The following NARS2 variants were observed in gnomAD, a reference collection of about 807,000 sequenced individuals.
NARS2 encodes asparaginyl-tRNA synthetase 2, mitochondrial.
Under a neutral mutation model 62.9 loss-of-function variants are expected in NARS2, and 60 were observed. The ratio of observed to expected loss-of-function variants is 0.95; its 90% confidence interval spans 0.77 to 1.18. NARS2 has a LOEUF of 1.18. Among genes scored for constraint, NARS2 ranks in the 50% most tolerant of loss-of-function variants. NARS2 has a pLI of 0.00. For missense variants in NARS2, 619 were observed against 576.4 expected (o/e 1.07, Z -0.76); for synonymous variants, 196 against 200.0 (o/e 0.98, Z 0.17).
chr11:78,529,586 T>A (rs1861409301), intron 5 of NARS2, among the ~76,000 whole-genome samples: 1 of 152,186 alleles, frequency 6.6e-6, no homozygotes, highest in African/African-American at 2.4e-5. Context: ...TTGTTAAGAG[T>A]TAAGCTAAAA....
chr11:78,470,639 C>T (rs1286019891), intron 9 of NARS2, among the ~76,000 whole-genome samples: 1 of 152,074 alleles, frequency 6.6e-6, no homozygotes, highest in East Asian at 1.9e-4. Context: ...TGATATTTCA[C>T]GTTCTAATCT....
At chr11:78,504,557 T>A (rs527770523) in intron 6 of NARS2, among the ~76,000 whole-genome samples, 1 of 152,114 alleles carries the variant, frequency 6.6e-6, no homozygotes, top group Non-Finnish European at 1.5e-5. Flanking sequence ...TTATTTGTTA[T>A]CAGCTTTTAC....
At chr11:78,470,840 T>C (rs913245517) in intron 9 of NARS2, among the ~76,000 whole-genome samples, 2 of 151,878 alleles carry the variant, frequency 1.3e-5, no homozygotes, top group Non-Finnish European at 2.9e-5. Context: ...AAGTGTCAGG[T>C]TGCTTGTAAA....
At chr11:78,515,580 G>C (rs1230844537) in intron 6 of NARS2, among the ~76,000 whole-genome samples, 1 of 152,058 alleles carries the variant, frequency 6.6e-6, no homozygotes, top group Non-Finnish European at 1.5e-5. Context: ...GTGCAGTGGT[G>C]TGTTTATAGC....
chr11:78,574,518 C>G lies in NARS2; in HGVS notation c.-30G>C, dbSNP rs1857055836. The G allele has an allele frequency of 1.3e-6, 2 of 1,574,826 alleles. No homozygotes were observed. The highest frequency in any genetic ancestry group is 2.3e-5 in the East Asian group (1 of 43,326). On this transcript the variant is annotated 5_prime_UTR_variant, in exon 1 of 14. Transcript: ENST00000281038. ...CGTCCGCCCAGGCCCTCCGCGGGAG[C>G]AGCCCAGACCCCACGGTTCGAACCC...
At chr11:78,456,353 T>C (rs145410445) in intron 11 of NARS2, among the ~76,000 whole-genome samples, 3 of 152,312 alleles carry the variant, frequency 2.0e-5, no homozygotes, top group Non-Finnish European at 4.4e-5. Flanking sequence ...TAATATAAAA[T>C]ATGTCATGAT....
chr11:78,536,152 A>G (rs963077352), intron 5 of NARS2, among the ~76,000 whole-genome samples: 3 of 152,230 alleles, frequency 2.0e-5, no homozygotes, highest in Non-Finnish European at 4.4e-5. Context: ...GTCACAGAGC[A>G]TGGCATTACT....
At position 78,574,702 on chromosome 11, in the gene NARS2, T is replaced by C. The variant is rs1455835039; in HGVS notation, c.-214A>G. The C allele has an allele frequency of 3.5e-6, 2 of 571,506 alleles. No individual in the cohort carries two copies. The highest frequency in any genetic ancestry group is 3.0e-6 in the Non-Finnish European group (1 of 328,648). 35.4% of individuals were successfully genotyped at this position (571,506 alleles called of 1,614,324 possible). On this transcript the variant is annotated 5_prime_UTR_variant, in exon 1 of 14. Coordinates refer to ENST00000281038, the MANE Select transcript of NARS2 (RefSeq NM_024678.6). ...CTTCCCACTTCCCAACGGGGCGGAA[T>C]GGACAGGACACTAGGCAAACGCCAG...
At chr11:78,533,777 C>G (rs4945288) in intron 5 of NARS2, among the ~76,000 whole-genome samples, 5 of 151,930 alleles carry the variant, frequency 3.3e-5, no homozygotes, top group Admixed American at 3.3e-4. Flanking sequence ...AGTTTCACTG[C>G]CCTAAAAATA....
intron 6 of NARS2, among the ~76,000 whole-genome samples, chr11:78,518,346 G>A (rs1432348582): frequency 3.3e-5 from 5 of 152,150 alleles, no homozygotes; most frequent in Non-Finnish European, 7.3e-5. Flanking sequence ...TAAACCAGTA[G>A]AGGAAAATTA....
chr11:78,558,623 TA>T (rs1856449552), intron 5 of NARS2: 1 of 152,170 alleles, frequency 6.6e-6, no homozygotes, highest in Non-Finnish European at 1.5e-5. Flanking sequence ...ATCAAACTGG[TA>T]AATGCAAGGC....
chr11:78,497,931 AT>A (rs1164488045), intron 6 of NARS2, among the ~76,000 whole-genome samples: 8 of 151,910 alleles, frequency 5.3e-5, no homozygotes, highest in Admixed American at 6.6e-5. Flanking sequence ...TGTTCTTAAT[AT>A]TTTTTTTGGA....
intron 11 of NARS2, among the ~76,000 whole-genome samples, chr11:78,459,038 C>T (rs1402167808): frequency 6.6e-6 from 1 of 152,026 alleles, no homozygotes; most frequent in Non-Finnish European, 1.5e-5. Context: ...CTGTCTCAGC[C>T]TCCCGAGCTG....
chr11:78,532,012 C>G (rs1861498546), intron 5 of NARS2, among the ~76,000 whole-genome samples: 1 of 152,144 alleles, frequency 6.6e-6, no homozygotes, highest in Non-Finnish European at 1.5e-5. Flanking sequence ...TTTTAAAATG[C>G]TTAATTTTAT....
intron 11 of NARS2, among the ~76,000 whole-genome samples, chr11:78,453,425 T>C (rs1473382983): frequency 2.6e-5 from 4 of 152,006 alleles, no homozygotes; most frequent in African/African-American, 9.7e-5. Flanking sequence ...TTCCAATCAA[T>C]GCACTGAAAA....
intron 4 of NARS2, among the ~76,000 whole-genome samples, chr11:78,563,751 A>C (rs1856629536): frequency 7.1e-6 from 1 of 140,460 alleles, no homozygotes; most frequent in African/African-American, 2.7e-5. Flanking sequence ...GAATCCCTTG[A>C]ACCCAGGAGG....
At chr11:78,504,404 C>CG (rs1465205294) in intron 6 of NARS2, among the ~76,000 whole-genome samples, 2 of 148,908 alleles carry the variant, frequency 1.3e-5, no homozygotes, top group African/African-American at 4.9e-5. Flanking sequence ...TTATCCGTCC[C>CG]TTACACCTGT....
Position 78,559,595 on chromosome 11 carries a change from T to G in NARS2, c.538A>C (p.Thr180Pro). The G allele has an allele frequency of 6.2e-7, 1 of 1,612,630 alleles. No individual in the cohort carries two copies. Among genetic ancestry groups the G allele is most frequent in the Non-Finnish European group, 8.5e-7 (1 of 1,178,998 alleles). Residue 180 changes from threonine (T) to proline (P), a missense_variant, in exon 5 of 14, where the codon ACT becomes CCT. Physicochemically the swap from Thr to Pro is conservative, Grantham distance 38 (BLOSUM62 -1). Transcript: ENST00000281038. The part of the protein sequence containing the change: ...FKDSGFVHIH[T>P]PIITSNDSEG... Reference sequence around the variant, plus strand: ...GAGTCATTGGATGTGATTATTGGAGTATGAATATGTACAAAGCCACTGTCC... The same window carrying G: ...GAGTCATTGGATGTGATTATTGGAGGATGAATATGTACAAAGCCACTGTCC...
intron 5 of NARS2, among the ~76,000 whole-genome samples, chr11:78,546,801 A>G (rs990547058): frequency 7.2e-5 from 11 of 152,326 alleles, no homozygotes; most frequent in Middle Eastern, 6.8e-3. Context: ...TCAAAGACGG[A>G]ACTATAAACA....
Sources: gnomAD v4.1 joint callset for allele counts (sites outside exome capture counted in the v4.1 genomes callset) on GRCh38, gnomAD v4.1.1 for gene constraint, MANE v1.5 for transcripts, NCBI Gene and HGNC (gene_info 2026-07-23, HGNC 2026-07-21) for gene names.